KCNN2: variants seen among roughly 807,000 people sequenced by gnomAD.
KCNN2 encodes small conductance calcium-activated potassium channel protein 2.
In KCNN2, 24 loss-of-function variants were observed where a neutral mutation model predicts 55.5. The observed-to-expected ratio is 0.43, with a 90% CI of 0.31 to 0.61. KCNN2 has a LOEUF of 0.61. KCNN2 is among the 20% of genes least tolerant of loss of function. The probability of loss-of-function intolerance (pLI) is 0.08; values close to 1 mark genes in which losing one functional copy is unlikely to be tolerated. For synonymous variants in KCNN2, 431 were observed against 336.1 expected, an observed-to-expected ratio of 1.28 and a Z score of -3.09; for missense variants, 754 against 853.6, an observed-to-expected ratio of 0.88 and a Z score of 1.45.
At chr5:114,180,665 T>G (rs1454660272) in intron 1 of KCNN2, among the ~76,000 whole-genome samples, 1 of 152,140 alleles carries the variant, frequency 6.6e-6, no homozygotes, top group East Asian at 1.9e-4. Context: ...GCCACTTGCT[T>G]TATGAGCTTT....
intron 3 of KCNN2, among the ~76,000 whole-genome samples, chr5:114,456,398 A>G (rs990751979): frequency 6.6e-6 from 1 of 151,944 alleles, no homozygotes; most frequent in Non-Finnish European, 1.5e-5. Context: ...CAAAACAAAC[A>G]AACAAAAAAA....
chr5:114,322,893 T>C (rs1267491232), intron 2 of KCNN2, among the ~76,000 whole-genome samples: 1 of 152,184 alleles, frequency 6.6e-6, no homozygotes, highest in Non-Finnish European at 1.5e-5. Flanking sequence ...ATTGTACAGA[T>C]TATTTCATCA....
chr5:114,130,942 G>A (rs1282722844), intron 1 of KCNN2, among the ~76,000 whole-genome samples: 1 of 152,170 alleles, frequency 6.6e-6, no homozygotes, highest in Non-Finnish European at 1.5e-5. Context: ...AATTTGGCCT[G>A]AGTCTGGGAC....
intron 1 of KCNN2, among the ~76,000 whole-genome samples, chr5:114,108,882 C>A (rs982580849): frequency 6.6e-6 from 1 of 152,144 alleles, no homozygotes; most frequent in African/African-American, 2.4e-5. Flanking sequence ...CTTGGGTAAA[C>A]AGAAGTGGAA....
At chr5:114,392,194 A>G (rs963223933) in intron 2 of KCNN2, among the ~76,000 whole-genome samples, 2 of 152,184 alleles carry the variant, frequency 1.3e-5, no homozygotes, top group African/African-American at 2.4e-5. Context: ...AACATATGAT[A>G]TGTGTTCATT....
At chr5:114,218,884 T>C (rs1456730236) in intron 1 of KCNN2, among the ~76,000 whole-genome samples, 1 of 152,170 alleles carries the variant, frequency 6.6e-6, no homozygotes, top group African/African-American at 2.4e-5. Flanking sequence ...TCTGACACCT[T>C]CATGGGACTT....
chr5:114,493,464 T>G lies in KCNN2; in HGVS notation c.2080T>G (p.Leu694Val), dbSNP rs1164355384. The stretch of plus-strand genomic sequence containing the variant: ...TGACCAAGCAAACACTTTGGTGGAC[T>G]TGGCAAAGGTAAGCCTGAGGTGCTT... ...LNDQANTLVDLAKTQNIMYDM... is the reference protein window; with the variant it reads ...LNDQANTLVDVAKTQNIMYDM... Residue 694 changes from leucine to valine, a missense_variant, in exon 7 of 8, where the codon TTG becomes GTG. Leu to Val is a conservative substitution (Grantham distance 32, BLOSUM62 1). This residue lies in a region of KCNN2 where 164 missense variants were observed against 156.6 expected (regional missense o/e 1.05). Coordinates refer to ENST00000673685, the MANE Select transcript of KCNN2 (RefSeq NM_021614.4). 1.2e-6 allele frequency: 2 copies of G among 1,609,556 alleles called. No individual in the cohort carries two copies. Among genetic ancestry groups the G allele is most frequent in the Non-Finnish European group, 1.7e-6 (2 of 1,176,078 alleles).
intron 2 of KCNN2, among the ~76,000 whole-genome samples, chr5:114,285,979 G>T (rs1167958576): frequency 1.3e-5 from 2 of 150,182 alleles, no homozygotes; most frequent in Non-Finnish European, 2.9e-5. Flanking sequence ...GAGTGCAATG[G>T]CATGATCTCG....
At chr5:114,209,379 C>G (rs1753834509) in intron 1 of KCNN2, among the ~76,000 whole-genome samples, 1 of 151,914 alleles carries the variant, frequency 6.6e-6, no homozygotes, top group Admixed American at 6.6e-5. Flanking sequence ...TCTTCTTACT[C>G]TTCATCTCCT....
intron 1 of KCNN2, among the ~76,000 whole-genome samples, chr5:114,065,897 A>T (rs1322143441): frequency 1.2e-5 from 1 of 85,184 alleles, no homozygotes; most frequent in African/African-American, 4.4e-5. Flanking sequence ...TGGGGAAAAC[A>T]ATTTTGGTTG....
chr5:114,486,645 G>A (rs1202375936), intron 5 of KCNN2: 34 of 880,096 alleles, frequency 3.9e-5, no homozygotes, highest in Middle Eastern at 5.2e-4. Context: ...TACCAAGCAG[G>A]CTTGCAAAGG....
At chr5:114,071,986 G>T in intron 1 of KCNN2, among the ~76,000 whole-genome samples, 1 of 152,122 alleles carries the variant, frequency 6.6e-6, no homozygotes. Context: ...TTGTGAGCAT[G>T]GGTTGGTTAT....
chr5:114,464,618 T>TC (rs894031523), intron 4 of KCNN2, among the ~76,000 whole-genome samples: 1 of 151,912 alleles, frequency 6.6e-6, no homozygotes, highest in Non-Finnish European at 1.5e-5. Flanking sequence ...AACATCCTTC[T>TC]CCCCCCTCGG....
At chr5:114,303,386 T>A (rs1756207689) in intron 2 of KCNN2, among the ~76,000 whole-genome samples, 1 of 152,194 alleles carries the variant, frequency 6.6e-6, no homozygotes, top group African/African-American at 2.4e-5. Context: ...GAACACAGAT[T>A]TACTTGGCTT....
intron 2 of KCNN2, among the ~76,000 whole-genome samples, chr5:114,242,777 G>A (rs1323400226): frequency 2.0e-5 from 3 of 152,142 alleles, no homozygotes; most frequent in South Asian, 2.1e-4. Flanking sequence ...ATGCAATATA[G>A]GGAAGATAGA....
intron 1 of KCNN2, among the ~76,000 whole-genome samples, chr5:114,073,262 A>G (rs982650929): frequency 6.3e-4 from 96 of 152,336 alleles, no homozygotes; most frequent in African/African-American, 1.9e-3. Context: ...ACCCACAGAT[A>G]ATCCTGTGGG....
intron 3 of KCNN2, among the ~76,000 whole-genome samples, chr5:114,448,787 G>A (rs982461360): frequency 3.9e-5 from 6 of 152,204 alleles, no homozygotes; most frequent in African/African-American, 1.2e-4. Context: ...TTTGTTCTAC[G>A]TAGGAATTTT....
At chr5:114,142,697 T>A (rs529927791) in intron 1 of KCNN2, among the ~76,000 whole-genome samples, 1 of 152,228 alleles carries the variant, frequency 6.6e-6, no homozygotes, top group South Asian at 2.1e-4. Context: ...TACAAACCAC[T>A]GCTCAACAAA....
intron 1 of KCNN2, among the ~76,000 whole-genome samples, chr5:114,147,822 G>A (rs140738199): frequency 8.5e-5 from 13 of 152,236 alleles, no homozygotes; most frequent in Middle Eastern, 3.4e-3. Context: ...GCTTAATGGC[G>A]CGAGCTTCTA....
Sources: allele counts gnomAD v4.1 joint callset (sites outside exome capture counted in the v4.1 genomes callset), GRCh38; gene constraint gnomAD v4.1.1; regional missense constraint gnomAD v4.1.1; transcripts MANE v1.5; gene names NCBI Gene and HGNC (gene_info 2026-07-23, HGNC 2026-07-21).